Variants in CREBL2 observed in about 807,000 individuals in gnomAD.
The protein encoded by CREBL2 is cAMP responsive element binding protein like 2.
CREBL2 carries 4 observed loss-of-function variants against 19.5 expected under a neutral mutation model. The ratio of observed to expected loss-of-function variants is 0.20; its 90% CI spans 0.10 to 0.47. The LOEUF (loss-of-function observed/expected upper bound fraction) is 0.47. Ranked by LOEUF, CREBL2 falls within the 20% of genes least tolerant of loss-of-function variation. CREBL2 has a pLI of 0.98. For synonymous variants in CREBL2, 42 were observed against 46.6 expected, an observed-to-expected ratio of 0.90 and a Z score of 0.40; for missense variants, 85 against 145.1, an observed-to-expected ratio of 0.59 and a Z score of 2.13.
rs1305619930 is a variant in CREBL2, at chr12:12,644,664, C to A, written c.*2666C>A. The stretch of plus-strand genomic sequence containing the variant: ...AAAAGTTTTCTATTTTATCTAAAAT[C>A]TTTCCATTATATCTAAATTAGAATG... On this transcript the variant is annotated 3_prime_UTR_variant, in exon 4 of 4. Coordinates refer to ENST00000228865, the MANE Select transcript of CREBL2 (RefSeq NM_001310.4). The A allele has an allele frequency of 6.6e-6, 1 of 152,594 alleles. No homozygotes were observed. The highest frequency in any genetic ancestry group is 1.5e-5 in the Non-Finnish European group (1 of 68,020). The allele number at this position is 152,594 out of a possible 1,614,324, so 9.5% of individuals were successfully genotyped here.
chr12:12,624,082 T>G lies in CREBL2; in HGVS notation c.16-11695T>G, dbSNP rs116969410. On this transcript the variant is annotated intron_variant, in intron 1 of 3. Coordinates refer to ENST00000228865, the MANE Select transcript of CREBL2 (RefSeq NM_001310.4). Reference sequence around the variant, plus strand: ...AGCCAGAGAATAAATTTTTGTTGGTTTAAGCCACCACATTTGTGGTAATTT... The same window carrying G: ...AGCCAGAGAATAAATTTTTGTTGGTGTAAGCCACCACATTTGTGGTAATTT... Among the ~76,000 whole-genome samples the G allele has an allele frequency of 9.7e-4, 148 of 152,276 alleles. 4 individuals carry two copies. In the East Asian group the frequency reaches 0.023, roughly 24 times the overall value.
At chr12:12,623,407 G>T (rs1211955157) in intron 1 of CREBL2, among the ~76,000 whole-genome samples, 3 of 152,146 alleles carry the variant, frequency 2.0e-5, no homozygotes, top group Non-Finnish European at 4.4e-5. Context: ...CCAGAACTTT[G>T]AAGAAAAATG....
At chr12:12,633,350 G>A (rs868272140) in intron 1 of CREBL2, among the ~76,000 whole-genome samples, 1 of 152,094 alleles carries the variant, frequency 6.6e-6, no homozygotes, top group South Asian at 2.1e-4. Context: ...CAGGAGAATC[G>A]GTTGAACCTA....
chr12:12,623,403 C>G (rs1945376018), intron 1 of CREBL2, among the ~76,000 whole-genome samples: 1 of 151,952 alleles, frequency 6.6e-6, no homozygotes, highest in African/African-American at 2.4e-5. Flanking sequence ...TGTTCCAGAA[C>G]TTTGAAGAAA....
intron 1 of CREBL2, among the ~76,000 whole-genome samples, chr12:12,620,863 A>C (rs1268117176): frequency 6.6e-6 from 1 of 152,190 alleles, no homozygotes; most frequent in Non-Finnish European, 1.5e-5. Flanking sequence ...ACAAATAGAA[A>C]AGTAATTACA....
chr12:12,636,403 A>G, intron 2 of CREBL2, among the ~76,000 whole-genome samples: 1 of 152,058 alleles, frequency 6.6e-6, no homozygotes, highest in Non-Finnish European at 1.5e-5. Flanking sequence ...AAGTGACTTT[A>G]TTTATTTATT....
intron 1 of CREBL2, among the ~76,000 whole-genome samples, chr12:12,632,230 A>G (rs1945447498): frequency 6.6e-6 from 1 of 150,474 alleles, no homozygotes; most frequent in Non-Finnish European, 1.5e-5. Flanking sequence ...GGCGCCCGCC[A>G]CTACGCCCGG....
In CREBL2 at chr12:12,635,928, C is replaced by A; in HGVS notation, c.167C>A (p.Ser56Tyr). ...LRYQYLEELVSSRERAICALR... is the reference protein window; with the variant it reads ...LRYQYLEELVYSRERAICALR... ...TATCAGTATTTGGAAGAGTTGGTATCCAGTCGAGAAAGAGCTATATGTGCC... is the reference window on the plus strand; with the variant it reads ...TATCAGTATTTGGAAGAGTTGGTATACAGTCGAGAAAGAGCTATATGTGCC... Residue 56 changes from serine (S) to tyrosine (Y), a missense_variant, in exon 2 of 4, where the codon TCC becomes TAC. Physicochemically the swap from Ser to Tyr is moderately radical, Grantham distance 144. Coordinates refer to ENST00000228865, the MANE Select transcript of CREBL2 (RefSeq NM_001310.4). The A allele has an allele frequency of 1.9e-6, 3 of 1,614,068 alleles. No individual in the cohort carries two copies. The highest frequency in any genetic ancestry group is 1.7e-4 in the Middle Eastern group (1 of 6,050).
At chr12:12,625,540 A>G (rs1433807921) in intron 1 of CREBL2, among the ~76,000 whole-genome samples, 1 of 152,202 alleles carries the variant, frequency 6.6e-6, no homozygotes, top group African/African-American at 2.4e-5. Flanking sequence ...TCAGGAAATT[A>G]TATGATCAGA....
At chr12:12,613,990 C>CTTTTTTTTTTTTTTTTT (rs57522744) in intron 1 of CREBL2, among the ~76,000 whole-genome samples, 1 of 72,918 alleles carries the variant, frequency 1.4e-5, no homozygotes, top group Non-Finnish European at 2.5e-5. Flanking sequence ...TCTTTTTTTT[C>CTTTTTTTTTTTTTTTTT]TTTTTTTTTT....
chr12:12,613,315 G>T (rs1338421650), intron 1 of CREBL2, among the ~76,000 whole-genome samples: 2 of 152,156 alleles, frequency 1.3e-5, no homozygotes, highest in Non-Finnish European at 2.9e-5. Context: ...TCTAAAATTT[G>T]CCAGTTTTTA....
chr12:12,641,244 A>ATT (rs1566116871), intron 3 of CREBL2, among the ~76,000 whole-genome samples: 33 of 15,578 alleles, frequency 2.1e-3, no homozygotes, highest in Admixed American at 3.2e-3. Context: ...TATTATTATT[A>ATT]TTATTATTAT....
At chr12:12,640,230 C>G (rs1945507380) in intron 3 of CREBL2, among the ~76,000 whole-genome samples, 1 of 152,202 alleles carries the variant, frequency 6.6e-6, no homozygotes, top group Non-Finnish European at 1.5e-5. Context: ...CTTATCTCAA[C>G]TGCACAAGAC....
chr12:12,632,140 G>C (rs936840982), intron 1 of CREBL2, among the ~76,000 whole-genome samples: 4 of 132,488 alleles, frequency 3.0e-5, no homozygotes, highest in East Asian at 4.5e-4. Context: ...TGCAGTGGCG[G>C]GATCTCGGCT....
intron 2 of CREBL2, among the ~76,000 whole-genome samples, chr12:12,636,850 T>A (rs1238022299): frequency 6.6e-6 from 1 of 152,210 alleles, no homozygotes; most frequent in African/African-American, 2.4e-5. Flanking sequence ...AGGGAGGAAG[T>A]GACAGAAGAG....
chr12:12,629,171 A>G (rs1304643533), intron 1 of CREBL2, among the ~76,000 whole-genome samples: 3 of 152,184 alleles, frequency 2.0e-5, no homozygotes, highest in East Asian at 1.9e-4. Context: ...TGAGATTTTG[A>G]TAGGAATTTT....
Position 12,637,731 on chromosome 12 carries a change from GGAGAATTTATATTTAAGA to G in CREBL2, c.358+21_358+38del. 1 of 1,595,386 alleles carries G rather than the reference GGAGAATTTATATTTAAGA, an allele frequency of 6.3e-7. No individual in the cohort carries two copies. Among genetic ancestry groups the G allele is most frequent in the Non-Finnish European group, 8.5e-7 (1 of 1,170,006 alleles). ...GCAATTCCTGTAAGTGCCATCAATG[GGAGAATTTATATTTAAGA>G]GAGTGTCTCGGTTGGGCGCAGTGGC... On this transcript the variant is annotated intron_variant, in intron 3 of 3. Transcript: ENST00000228865.
chr12:12,618,489 C>T (rs10772584), intron 1 of CREBL2, among the ~76,000 whole-genome samples: 73,289 of 150,334 alleles, frequency 0.49, 19,817 homozygotes, highest in Non-Finnish European at 0.6. Context: ...CGGGCAGAGA[C>T]GCTCCTCACT....
At chr12:12,630,498 C>T (rs1225010427) in intron 1 of CREBL2, among the ~76,000 whole-genome samples, 3 of 151,878 alleles carry the variant, frequency 2.0e-5, no homozygotes, top group East Asian at 1.9e-4. Context: ...TCTAATGGTC[C>T]GTCTAGCTAA....
Sources: allele counts gnomAD v4.1 joint callset (sites outside exome capture counted in the v4.1 genomes callset), GRCh38; gene constraint gnomAD v4.1.1; transcripts MANE v1.5; gene names NCBI Gene and HGNC (gene_info 2026-07-23, HGNC 2026-07-21).